The following TBC1D8 variants were observed in gnomAD, a reference collection of about 807,000 sequenced individuals.
TBC1D8 encodes BUB2-like protein 1.
A neutral mutation model predicts 118.8 loss-of-function variants in TBC1D8; 65 were observed. The observed-to-expected ratio is 0.55, with a 90% CI of 0.45 to 0.67. The LOEUF is 0.67. TBC1D8 is among the 30% of genes least tolerant of loss of function. The pLI, the probability that TBC1D8 is intolerant of heterozygous loss-of-function variation, is 0.00. For missense variants in TBC1D8, 1,376 were observed against 1,471.2 expected (o/e 0.94, Z 1.06); for synonymous variants, 566 against 595.8 (o/e 0.95, Z 0.73).
chr2:101,104,906 C>T (rs928413888), intron 1 of TBC1D8, among the ~76,000 whole-genome samples: 1 of 151,558 alleles, frequency 6.6e-6, no homozygotes, highest in South Asian at 2.1e-4. Flanking sequence ...CCCAGCTATT[C>T]TGGAGGCTGA....
At chr2:101,130,392 C>T (rs185409788) in intron 1 of TBC1D8, among the ~76,000 whole-genome samples, 2 of 152,306 alleles carry the variant, frequency 1.3e-5, no homozygotes, top group East Asian at 3.9e-4. Flanking sequence ...CTTCCCCTCA[C>T]CAAGTCGGAC....
rs67349426 is a variant in TBC1D8, at chr2:101,033,122, A to ATT, written c.1818+420_1818+421dup. 6.3e-4 allele frequency among the ~76,000 whole-genome samples: 94 copies of ATT among 148,194 alleles called. 1 individual carries two copies. The highest frequency in any genetic ancestry group is 7.3e-4 in the Non-Finnish European group (49 of 67,158). On this transcript the variant is annotated intron_variant, in intron 10 of 19. Coordinates refer to ENST00000409318, the MANE Select transcript of TBC1D8 (RefSeq NM_001330348.2). ...GTTTCTCTTTTCAGGCACTCGGTAA[A>ATT]TTTTTTTTTTTTTGAGACAGAGTCT...
At position 101,043,449 on chromosome 2, in the gene TBC1D8, G is replaced by A. The variant is rs13389756; in HGVS notation, c.873-3064C>T. On this transcript the variant is annotated intron_variant, in intron 5 of 19. Transcript: ENST00000409318. ...TACTCCCTGCACGTATCTCACAAAC[G>A]TGGTTCTAGTCGCCAGTGAGTTCAC... is the stretch of plus-strand genomic sequence containing the variant. Among the ~76,000 whole-genome samples, 408 of 152,296 alleles carry A rather than the reference G, an allele frequency of 2.7e-3. 3 individuals are homozygous for A. The highest frequency in any genetic ancestry group is 8.9e-3 in the African/African-American group (368 of 41,552).
chr2:101,021,621 C>G (rs1394011241), intron 17 of TBC1D8, 60 bp downstream of exon 17: 1 of 1,171,376 alleles, frequency 8.5e-7, no homozygotes, highest in African/African-American at 1.5e-5. Flanking sequence ...GAGTCATGCA[C>G]AAAGCTGATA....
intron 1 of TBC1D8, among the ~76,000 whole-genome samples, chr2:101,099,589 G>A (rs1192821280): frequency 3.9e-5 from 6 of 152,176 alleles, no homozygotes; most frequent in East Asian, 1.9e-4. Flanking sequence ...TATCCCTGAT[G>A]AGCATCGATG....
intron 2 of TBC1D8, among the ~76,000 whole-genome samples, chr2:101,064,283 A>C (rs1404340364): frequency 6.6e-6 from 1 of 152,212 alleles, no homozygotes; most frequent in Non-Finnish European, 1.5e-5. Flanking sequence ...GAGGACACAG[A>C]GAGAAGGCTG....
At position 101,011,008 on chromosome 2, in the gene TBC1D8, T is replaced by A. The variant is rs750907846; in HGVS notation, c.2936A>T (p.Gln979Leu). ...CTTAATCATCTGCTTCAGCTGTTTC[T>A]GATAATCAACTGCATCACCTTGAAA... The part of the protein sequence containing the change: ...GKPNGDAVDY[Q>L]KQLKQMIKDL... The change falls in exon 19 of 20, where the codon CAG becomes CTG. Residue 979 changes from glutamine (Q) to leucine (L), a missense_variant. Coordinates refer to ENST00000409318, the MANE Select transcript of TBC1D8 (RefSeq NM_001330348.2). 3.1e-6 allele frequency: 5 copies of A among 1,612,750 alleles called. No individual in the cohort carries two copies. Among genetic ancestry groups the A allele is most frequent in the Non-Finnish European group, 4.2e-6 (5 of 1,179,840 alleles).
At chr2:101,133,448 T>G (rs1223953406) in intron 1 of TBC1D8, among the ~76,000 whole-genome samples, 2 of 152,120 alleles carry the variant, frequency 1.3e-5, no homozygotes, top group African/African-American at 4.8e-5. Context: ...TCGGATGCTA[T>G]AACAAAATCT....
chr2:101,025,799 A>G (rs1439428138), intron 15 of TBC1D8, among the ~76,000 whole-genome samples: 6 of 152,298 alleles, frequency 3.9e-5, no homozygotes, highest in South Asian at 2.1e-4. Context: ...TCAGGCCCCA[A>G]TGGCTCCAGG....
chr2:101,028,321 C>G lies in TBC1D8; in HGVS notation c.2334G>C (p.Leu778=). The change falls in exon 13 of 20, where the codon CTG becomes CTC. Residue 778 remains leucine, a synonymous_variant. Transcript: ENST00000409318. The part of the protein sequence containing the change: ...EPYPVTDISD[L]IRDSYEKFGD... ...CCGTTACCTCATAGGAATCCCGGAT[C>G]AGGTCCGAAATATCAGTCACAGGGT... 1 of 1,612,666 alleles carries G rather than the reference C, an allele frequency of 6.2e-7. No homozygotes were observed. The highest frequency in any genetic ancestry group is 8.5e-7 in the Non-Finnish European group (1 of 1,179,358).
At chr2:101,111,323 A>T (rs1677570792) in intron 1 of TBC1D8, among the ~76,000 whole-genome samples, 1 of 152,182 alleles carries the variant, frequency 6.6e-6, no homozygotes, top group Non-Finnish European at 1.5e-5. Context: ...CTGCAGGGCG[A>T]CCATATCACG....
At chr2:101,017,713 TG>T in intron 17 of TBC1D8, 2 of 799,366 alleles carry the variant, frequency 2.5e-6, no homozygotes, top group Non-Finnish European at 4.0e-6. Context: ...CAGATATCCA[TG>T]GTACATCACT....
At chr2:101,098,665 C>G (rs1408859686) in intron 1 of TBC1D8, among the ~76,000 whole-genome samples, 2 of 152,178 alleles carry the variant, frequency 1.3e-5, no homozygotes, top group East Asian at 3.9e-4. Flanking sequence ...AACACACAGT[C>G]TCTCAGGCCA....
intron 15 of TBC1D8, among the ~76,000 whole-genome samples, chr2:101,023,356 G>C (rs754969638): frequency 3.3e-5 from 5 of 151,926 alleles, no homozygotes; most frequent in Non-Finnish European, 5.9e-5. Context: ...GTGTCAGCCA[G>C]GCTGGTCTCG....
At chr2:101,122,203 C>T (rs1678144659) in intron 1 of TBC1D8, among the ~76,000 whole-genome samples, 1 of 150,724 alleles carries the variant, frequency 6.6e-6, no homozygotes, top group African/African-American at 2.4e-5. Flanking sequence ...TCCCAAGCAG[C>T]TGGGACTACA....
intron 2 of TBC1D8, among the ~76,000 whole-genome samples, chr2:101,089,455 T>A (rs1675865203): frequency 2.0e-5 from 3 of 152,146 alleles, no homozygotes; most frequent in Admixed American, 1.3e-4. Flanking sequence ...TTTTGTTTTT[T>A]AATAAAAGGG....
chr2:101,038,273 C>A (rs1019398274), intron 7 of TBC1D8, among the ~76,000 whole-genome samples, 188 bp downstream of exon 7: 1 of 152,074 alleles, frequency 6.6e-6, no homozygotes, highest in African/African-American at 2.4e-5. Flanking sequence ...ACCCCGTCAC[C>A]CCCTCCAAGC....
At chr2:101,115,953 T>G (rs1677799483) in intron 1 of TBC1D8, among the ~76,000 whole-genome samples, 1 of 152,100 alleles carries the variant, frequency 6.6e-6, no homozygotes, top group Non-Finnish European at 1.5e-5. Flanking sequence ...GCTGACAACA[T>G]AAAAGGATTC....
intron 2 of TBC1D8, among the ~76,000 whole-genome samples, chr2:101,066,338 TAGA>T (rs1683011964): frequency 6.6e-6 from 1 of 151,708 alleles, no homozygotes; most frequent in Non-Finnish European, 1.5e-5. Context: ...GTTCAAATGG[TAGA>T]AGAAGGTACA....
Sources: gnomAD v4.1 joint callset for allele counts (sites outside exome capture counted in the v4.1 genomes callset) on GRCh38, gnomAD v4.1.1 for gene constraint, MANE v1.5 for transcripts, NCBI Gene and HGNC (gene_info 2026-07-23, HGNC 2026-07-21) for gene names.